Variants in RIMS2 observed in about 807,000 individuals in gnomAD.
The protein encoded by RIMS2 is regulating synaptic membrane exocytosis protein 2.
RIMS2 carries 59 observed loss-of-function variants against 174.4 expected under a neutral mutation model. The ratio of observed to expected loss-of-function variants is 0.34; its 90% CI spans 0.27 to 0.42. The LOEUF is 0.42. RIMS2 is among the 10% of genes least tolerant of loss of function. The pLI, the probability that RIMS2 is intolerant of heterozygous loss-of-function variation, is 1.00. For synonymous variants in RIMS2, 606 were observed against 572.5 expected (o/e 1.06, Z -0.84); for missense variants, 1,620 against 1,666.3 (o/e 0.97, Z 0.48).
intron 19 of RIMS2, 104 bp from the exon 26 acceptor site, chr8:104,244,812 T>A (rs2099321720): frequency 3.4e-6 from 3 of 883,258 alleles, no homozygotes; most frequent in Non-Finnish European, 5.3e-6. Context: ...GAGCACTTTT[T>A]ATTTACACAG....
intron 1 of RIMS2, among the ~76,000 whole-genome samples, chr8:103,544,282 C>T (rs148855967): frequency 4.5e-4 from 68 of 152,272 alleles, no homozygotes; most frequent in Admixed American, 3.0e-3. Flanking sequence ...AGGTGGGCAA[C>T]GCCTGCTACA....
At chr8:103,646,492 T>C (rs1246055375) in intron 1 of RIMS2, among the ~76,000 whole-genome samples, 2 of 152,080 alleles carry the variant, frequency 1.3e-5, no homozygotes, top group African/African-American at 2.4e-5. Context: ...CCACAACCTA[T>C]GTATTAAGCC....
intron 4 of RIMS2, among the ~76,000 whole-genome samples, chr8:103,896,818 A>G (rs1346030138): frequency 6.6e-6 from 1 of 151,600 alleles, no homozygotes; most frequent in Non-Finnish European, 1.5e-5. Context: ...TTTCCCTATA[A>G]GGACTTCTTA....
chr8:103,942,599 A>C (rs538146953), intron 13 of RIMS2, among the ~76,000 whole-genome samples, 174 bp from the exon 16 acceptor site: 1 of 152,318 alleles, frequency 6.6e-6, no homozygotes, highest in South Asian at 2.1e-4. Context: ...AAGAAGTTAT[A>C]AAAGTTTATT....
intron 1 of RIMS2, among the ~76,000 whole-genome samples, chr8:103,610,901 T>C (rs576919931): frequency 6.6e-6 from 1 of 152,330 alleles, no homozygotes; most frequent in African/African-American, 2.4e-5. Flanking sequence ...AGGAATGGTA[T>C]CAACTCTTTT....
intron 19 of RIMS2, among the ~76,000 whole-genome samples, chr8:104,026,077 T>C (rs1471535747): frequency 6.6e-6 from 1 of 152,184 alleles, no homozygotes; most frequent in East Asian, 1.9e-4. Context: ...TGTATGACTG[T>C]ATATAGTTTA....
At chr8:103,569,707 C>T (rs977844726) in intron 1 of RIMS2, among the ~76,000 whole-genome samples, 2 of 151,810 alleles carry the variant, frequency 1.3e-5, no homozygotes, top group Non-Finnish European at 2.9e-5. Context: ...GCCTTGAAAT[C>T]CTGGGCTCAA....
intron 19 of RIMS2, among the ~76,000 whole-genome samples, chr8:104,175,578 C>G (rs1264339461): frequency 6.6e-6 from 1 of 152,148 alleles, no homozygotes; most frequent in African/African-American, 2.4e-5. Flanking sequence ...GTCCCCACTT[C>G]CCTTTTCAAC....
intron 19 of RIMS2, among the ~76,000 whole-genome samples, chr8:104,192,583 A>G (rs2099003407): frequency 6.6e-6 from 1 of 152,194 alleles, no homozygotes; most frequent in South Asian, 2.1e-4. Flanking sequence ...ACAAATGAGT[A>G]TCATTCAAAA....
At chr8:104,039,649 T>C (rs2096575874) in intron 19 of RIMS2, among the ~76,000 whole-genome samples, 1 of 151,766 alleles carries the variant, frequency 6.6e-6, no homozygotes, top group Non-Finnish European at 1.5e-5. Flanking sequence ...GGAACTATTT[T>C]AGTAGTATGG....
chr8:103,852,973 A>G (rs2099007598), intron 3 of RIMS2, among the ~76,000 whole-genome samples: 1 of 152,048 alleles, frequency 6.6e-6, no homozygotes, highest in South Asian at 2.1e-4. Flanking sequence ...TCTTTGAGGA[A>G]TCTCCAAACT....
chr8:103,898,555 A>G (rs1419306609), intron 4 of RIMS2, among the ~76,000 whole-genome samples: 2 of 151,510 alleles, frequency 1.3e-5, no homozygotes, highest in Non-Finnish European at 2.9e-5. Flanking sequence ...GGATGTATCA[A>G]TGCACCTGCT....
chr8:104,250,256 A>G lies in RIMS2; in HGVS notation c.3691+668A>G, dbSNP rs1464196105. Among the ~76,000 whole-genome samples the G allele has an allele frequency of 2.6e-5, 4 of 152,290 alleles. No homozygotes were observed. In the East Asian group the frequency reaches 5.8e-4, roughly 22 times the overall value. On this transcript the variant is annotated intron_variant, in intron 22 of 23. Coordinates refer to ENST00000504942, the Ensembl canonical transcript of RIMS2. ...CTTGATTTCTAGCCTCAGCATCTCT[A>G]CTGATTGACTTGTAATTTTGACTCT...
chr8:103,946,229 T>C (rs989335886), intron 14 of RIMS2, among the ~76,000 whole-genome samples: 1 of 152,198 alleles, frequency 6.6e-6, no homozygotes, highest in Non-Finnish European at 1.5e-5. Flanking sequence ...CAGTGGCTCA[T>C]GCCTGTAATC....
chr8:104,142,376 G>T (rs928251641), intron 19 of RIMS2, among the ~76,000 whole-genome samples: 5 of 151,918 alleles, frequency 3.3e-5, no homozygotes, highest in African/African-American at 4.8e-5. Flanking sequence ...TGGTCCACCC[G>T]CCTCGGCCTC....
At chr8:103,866,752 T>C (rs1273530901) in intron 3 of RIMS2, among the ~76,000 whole-genome samples, 4 of 152,116 alleles carry the variant, frequency 2.6e-5, no homozygotes, top group African/African-American at 9.6e-5. Context: ...TTGAACAAGA[T>C]GACAAGTGAA....
chr8:103,581,820 G>C (rs1378294061), intron 1 of RIMS2, among the ~76,000 whole-genome samples: 1 of 152,184 alleles, frequency 6.6e-6, no homozygotes, highest in East Asian at 1.9e-4. Context: ...CATGTGCCCT[G>C]TCTCCAGGTA....
chr8:104,214,061 T>G (rs2099118468), intron 19 of RIMS2, among the ~76,000 whole-genome samples: 1 of 152,164 alleles, frequency 6.6e-6, no homozygotes, highest in Non-Finnish European at 1.5e-5. Flanking sequence ...GATTGGGGTT[T>G]GAAATGTTAT....
At chr8:103,859,116 T>G (rs1383462662) in intron 3 of RIMS2, among the ~76,000 whole-genome samples, 1 of 152,108 alleles carries the variant, frequency 6.6e-6, no homozygotes, top group Non-Finnish European at 1.5e-5. Context: ...TGAAATCTAA[T>G]GTGGGCAAGA....
Sources: allele counts gnomAD v4.1 joint callset (sites outside exome capture counted in the v4.1 genomes callset), GRCh38; gene constraint gnomAD v4.1.1; transcripts MANE v1.5; gene names NCBI Gene and HGNC (gene_info 2026-07-23, HGNC 2026-07-21).